Variants in SV2C observed in about 807,000 individuals in gnomAD.
SV2C encodes the protein synaptic vesicle glycoprotein 2C, also known as solute carrier family 22 member B3.
Under a neutral mutation model 79.7 loss-of-function variants are expected in SV2C, and 49 were observed. The observed-to-expected ratio is 0.61, with a 90% CI of 0.49 to 0.78. The LOEUF (loss-of-function observed/expected upper bound fraction) is 0.78, where lower values mean the gene tolerates loss of function less well. Among genes scored for constraint, SV2C ranks in the 30% least tolerant of loss-of-function variants. The pLI is 0.00. For missense variants in SV2C, 833 were observed against 912.9 expected, an observed-to-expected ratio of 0.91 and a Z score of 1.13; for synonymous variants, 334 against 333.2, an observed-to-expected ratio of 1.00 and a Z score of -0.03.
the SV2C span, among the ~76,000 whole-genome samples, chr5:76,010,667 G>A: frequency 6.6e-6 from 1 of 152,010 alleles, no homozygotes; most frequent in African/African-American, 2.4e-5. Context: ...ATTAAAATTG[G>A]GTACCGACTT....
At chr5:76,200,183 C>T (rs1744394988) in intron 3 of SV2C, among the ~76,000 whole-genome samples, 1 of 152,228 alleles carries the variant, frequency 6.6e-6, no homozygotes, top group Admixed American at 6.5e-5. Flanking sequence ...GTGAGTCAGG[C>T]ACTGAATCCA....
the SV2C span, among the ~76,000 whole-genome samples, chr5:75,872,452 C>A: frequency 6.6e-6 from 1 of 151,836 alleles, no homozygotes; most frequent in Non-Finnish European, 1.5e-5. Flanking sequence ...GCAGAAACAA[C>A]ATAGCGGTGA....
intron 7 of SV2C, 40 bp from the exon 8 acceptor site, chr5:76,291,728 A>G: frequency 6.8e-7 from 1 of 1,477,970 alleles, no homozygotes; most frequent in Non-Finnish European, 9.4e-7. Context: ...GGGTTGACTA[A>G]GTAACTGCAT....
the SV2C span, among the ~76,000 whole-genome samples, chr5:75,854,903 T>C: frequency 6.6e-6 from 1 of 152,164 alleles, no homozygotes; most frequent in Non-Finnish European, 1.5e-5. Context: ...GAAGTAAGGA[T>C]TGAGGTTCTT....
the SV2C span, among the ~76,000 whole-genome samples, chr5:75,957,326 C>T: frequency 6.6e-6 from 1 of 151,938 alleles, no homozygotes. Context: ...CAGTGTAGTC[C>T]TTGCAATAAA....
the SV2C span, among the ~76,000 whole-genome samples, chr5:76,035,377 G>T: frequency 2.0e-5 from 3 of 151,832 alleles, no homozygotes; most frequent in Non-Finnish European, 2.9e-5. Flanking sequence ...CCTTTCTCTT[G>T]TGGGCATTTA....
At chr5:75,873,904 C>T in the SV2C span, among the ~76,000 whole-genome samples, 1 of 152,054 alleles carries the variant, frequency 6.6e-6, no homozygotes, top group Non-Finnish European at 1.5e-5. Context: ...GAAAATGAAT[C>T]AGTAATAAAT....
the SV2C span, among the ~76,000 whole-genome samples, chr5:76,004,367 C>G: frequency 6.6e-6 from 1 of 152,272 alleles, no homozygotes; most frequent in African/African-American, 2.4e-5. Flanking sequence ...CAACTAAGCT[C>G]TCTAAGAGTT....
At chr5:76,306,139 C>A (rs1490458417) in intron 12 of SV2C, among the ~76,000 whole-genome samples, 1 of 152,192 alleles carries the variant, frequency 6.6e-6, no homozygotes, top group Non-Finnish European at 1.5e-5. Context: ...CCTCAAACTC[C>A]TGCGCTCAAG....
chr5:75,941,826 A>G, the SV2C span, among the ~76,000 whole-genome samples: 1 of 152,112 alleles, frequency 6.6e-6, no homozygotes, highest in Non-Finnish European at 1.5e-5. Flanking sequence ...GACATAAATA[A>G]ATTCTCTGAC....
chr5:76,044,064 C>G, the SV2C span, among the ~76,000 whole-genome samples: 26 of 152,330 alleles, frequency 1.7e-4, no homozygotes, highest in Admixed American at 3.9e-4. Flanking sequence ...CTCCCTCCCC[C>G]TGCTCTCCCT....
At position 76,132,050 on chromosome 5, in the gene SV2C, C is replaced by T. The variant is rs201793632; in HGVS notation, c.300C>T (p.Asn100=). The T allele has an allele frequency of 2.3e-4, 371 of 1,611,580 alleles. No individual in the cohort carries two copies. The highest frequency in any genetic ancestry group is 8.5e-4 in the Admixed American group (51 of 59,862). ...AGTATCAGGGCATCCCCAGTATGAA[C>T]CAAGCGAAGGACAGCATCGTGTCAG... ...EGEYQGIPSM[N]QAKDSIVSVG... Residue 100 remains asparagine, a synonymous_variant, in exon 2 of 13, where the codon AAC becomes AAT. Transcript: ENST00000502798.
chr5:76,195,641 G>T (rs915763349), intron 3 of SV2C, among the ~76,000 whole-genome samples: 1 of 152,184 alleles, frequency 6.6e-6, no homozygotes, highest in African/African-American at 2.4e-5. Context: ...TGCAGTGGTA[G>T]AGTGTAGCCG....
At chr5:76,176,252 G>C (rs953800701) in intron 2 of SV2C, among the ~76,000 whole-genome samples, 3 of 152,144 alleles carry the variant, frequency 2.0e-5, no homozygotes, top group African/African-American at 7.2e-5. Context: ...CAGTTCGGGG[G>C]AGAATGGTTG....
the SV2C span, among the ~76,000 whole-genome samples, chr5:75,960,533 A>G: frequency 3.3e-5 from 5 of 152,026 alleles, no homozygotes; most frequent in South Asian, 2.1e-4. Context: ...CAGTAACCTA[A>G]TGTACAGATT....
intron 4 of SV2C, among the ~76,000 whole-genome samples, chr5:76,223,564 AT>A (rs1333711287): frequency 1.3e-5 from 2 of 148,340 alleles, no homozygotes; most frequent in Non-Finnish European, 3.0e-5. Flanking sequence ...TATAACCCAC[AT>A]TTGATAAATC....
At chr5:76,074,509 G>A in the SV2C span, among the ~76,000 whole-genome samples, 2 of 152,118 alleles carry the variant, frequency 1.3e-5, no homozygotes, top group African/African-American at 4.8e-5. Flanking sequence ...CTCAGGGTAC[G>A]GCCCTGAATG....
At chr5:75,903,019 T>G in the SV2C span, among the ~76,000 whole-genome samples, 3 of 152,190 alleles carry the variant, frequency 2.0e-5, no homozygotes, top group East Asian at 5.8e-4. Context: ...GTGAGATGGA[T>G]TCTTGTTTTT....
At chr5:75,946,570 G>A in the SV2C span, among the ~76,000 whole-genome samples, 49,439 of 151,826 alleles carry the variant, frequency 0.33, 11,063 homozygotes, top group African/African-American at 0.64. Context: ...TTGCATTACC[G>A]TATGAATAAC....
Sources: gnomAD v4.1 joint callset for allele counts (sites outside exome capture counted in the v4.1 genomes callset) on GRCh38, gnomAD v4.1.1 for gene constraint, MANE v1.5 for transcripts, NCBI Gene and HGNC (gene_info 2026-07-23, HGNC 2026-07-21) for gene names.